The following GALNT13 variants were observed in gnomAD, a reference collection of about 807,000 sequenced individuals.
GALNT13 encodes UDP-GalNAc:polypeptide N-acetylgalactosaminyltransferase 13.
A neutral mutation model predicts 64.2 loss-of-function variants in GALNT13; 28 were observed. That is an observed-to-expected ratio of 0.44 (90% confidence interval 0.32 to 0.60). The LOEUF is 0.60. Ranked by LOEUF, GALNT13 falls within the 20% of genes least tolerant of loss-of-function variation. The probability of loss-of-function intolerance (pLI) is 0.05; values close to 1 mark genes in which losing one functional copy is unlikely to be tolerated. For missense variants in GALNT13, 577 were observed against 669.8 expected (o/e 0.86, Z 1.53); for synonymous variants, 214 against 224.6 (o/e 0.95, Z 0.42).
intron 11 of GALNT13, among the ~76,000 whole-genome samples, chr2:154,427,287 A>G (rs576119498): frequency 2.0e-4 from 31 of 152,362 alleles, no homozygotes; most frequent in African/African-American, 7.5e-4. Flanking sequence ...TCTAGAGCCC[A>G]TTGTTGCAGT....
chr2:153,123,298 A>C, the GALNT13 span, among the ~76,000 whole-genome samples: 102 of 151,974 alleles, frequency 6.7e-4, 1 homozygote, highest in East Asian at 0.02. Flanking sequence ...TTAACTTTAA[A>C]CTCCTAGCCT....
rs535935923 is a variant in GALNT13 at position 154,205,327 on chromosome 2, G to A, written c.312-36703G>A. On this transcript the variant is annotated intron_variant, in intron 4 of 12. Coordinates refer to ENST00000392825, the MANE Select transcript of GALNT13 (RefSeq NM_052917.4). ...TTATTTCTGTGTGTTTTCCACCTGT[G>A]TTCTCTAACTGTGGAACTAGTAGCC... 3.9e-5 allele frequency among the ~76,000 whole-genome samples: 6 copies of A among 152,174 alleles called. No homozygotes were observed. In the South Asian group the frequency reaches 1.2e-3, roughly 32 times the overall value.
At chr2:153,146,443 A>G in the GALNT13 span, among the ~76,000 whole-genome samples, 2 of 151,872 alleles carry the variant, frequency 1.3e-5, no homozygotes, top group Non-Finnish European at 2.9e-5. Context: ...AAGAGCCCCG[A>G]AAGTCATGGA....
In GALNT13 at chr2:153,983,263, G is replaced by A. The variant is rs141953817; in HGVS notation, c.142+38624G>A. Among the ~76,000 whole-genome samples, 452 of 151,900 alleles carry A rather than the reference G, an allele frequency of 3.0e-3. 4 individuals are homozygous for A. Among genetic ancestry groups the A allele is most frequent in the African/African-American group, 1.0e-2 (415 of 41,516 alleles). Reference sequence around the variant, plus strand: ...GATAGAATTTTCAAAGAAATCTGATGCAGGGTCTTATAGTAGCTTAGAAAA... The same window carrying A: ...GATAGAATTTTCAAAGAAATCTGATACAGGGTCTTATAGTAGCTTAGAAAA... On this transcript the variant is annotated intron_variant, in intron 3 of 12. Coordinates refer to ENST00000392825, the MANE Select transcript of GALNT13 (RefSeq NM_052917.4).
chr2:153,677,155 A>T, the GALNT13 span, among the ~76,000 whole-genome samples: 1 of 152,200 alleles, frequency 6.6e-6, no homozygotes, highest in South Asian at 2.1e-4. Context: ...AGGCCCCTAG[A>T]TGTGGTAAAC....
the GALNT13 span, among the ~76,000 whole-genome samples, chr2:153,822,076 A>G: frequency 6.6e-6 from 1 of 152,158 alleles, no homozygotes; most frequent in Non-Finnish European, 1.5e-5. Flanking sequence ...GCTCCAAAAT[A>G]GAATCAGTAA....
chr2:153,420,244 G>A, the GALNT13 span, among the ~76,000 whole-genome samples: 2 of 151,834 alleles, frequency 1.3e-5, no homozygotes, highest in Non-Finnish European at 2.9e-5. Flanking sequence ...TGGTTAAGAT[G>A]GTAATTTTAT....
At chr2:154,213,773 A>G (rs1687901930) in intron 4 of GALNT13, among the ~76,000 whole-genome samples, 1 of 152,188 alleles carries the variant, frequency 6.6e-6, no homozygotes. Flanking sequence ...TGCTTCAATA[A>G]CAGGATTGAT....
intron 3 of GALNT13, among the ~76,000 whole-genome samples, chr2:154,050,119 A>G (rs1022182391): frequency 6.6e-6 from 1 of 152,162 alleles, no homozygotes; most frequent in African/African-American, 2.4e-5. Flanking sequence ...TATATAGTCA[A>G]CATTGAAACT....
the GALNT13 span, among the ~76,000 whole-genome samples, chr2:153,648,077 A>C: frequency 6.6e-6 from 1 of 152,108 alleles, no homozygotes; most frequent in Non-Finnish European, 1.5e-5. Context: ...TTTTCACAAT[A>C]TTGATTCTTC....
At chr2:153,235,909 A>C in the GALNT13 span, among the ~76,000 whole-genome samples, 1 of 152,326 alleles carries the variant, frequency 6.6e-6, no homozygotes, top group Non-Finnish European at 1.5e-5. Flanking sequence ...AGATAGACTG[A>C]AAGCTAGGCC....
chr2:154,050,763 T>C (rs1236024244), intron 3 of GALNT13, among the ~76,000 whole-genome samples: 1 of 152,242 alleles, frequency 6.6e-6, no homozygotes, highest in Non-Finnish European at 1.5e-5. Flanking sequence ...AGTTTAATGC[T>C]GAATATTTTA....
At chr2:154,320,191 C>G (rs1694549614) in intron 9 of GALNT13, among the ~76,000 whole-genome samples, 1 of 152,068 alleles carries the variant, frequency 6.6e-6, no homozygotes, top group Non-Finnish European at 1.5e-5. Context: ...CATATTTATC[C>G]TTTAAAGTTA....
the GALNT13 span, among the ~76,000 whole-genome samples, chr2:153,608,627 TTC>T: frequency 6.7e-6 from 1 of 148,874 alleles, no homozygotes; most frequent in Non-Finnish European, 1.5e-5. Context: ...ATACATATAT[TTC>T]TCTCTTTCAT....
chr2:153,900,640 G>T (rs1243751796), intron 1 of GALNT13, among the ~76,000 whole-genome samples: 1 of 152,044 alleles, frequency 6.6e-6, no homozygotes, highest in African/African-American at 2.4e-5. Context: ...ATGCCATTCT[G>T]CCAATATTCT....
At chr2:154,436,450 G>C (rs1700978385) in intron 11 of GALNT13, 1 of 152,166 alleles carries the variant, frequency 6.6e-6, no homozygotes, top group African/African-American at 2.4e-5. Context: ...AGAAAATTAA[G>C]GCTGAAATGG....
the GALNT13 span, among the ~76,000 whole-genome samples, chr2:153,350,207 G>T: frequency 6.6e-6 from 1 of 152,060 alleles, no homozygotes; most frequent in Non-Finnish European, 1.5e-5. Context: ...AAAATAAATG[G>T]AAAGGATGAT....
chr2:153,171,763 C>G, the GALNT13 span, among the ~76,000 whole-genome samples: 63 of 152,214 alleles, frequency 4.1e-4, no homozygotes, highest in Admixed American at 4.1e-3. Context: ...CTAAAATGGC[C>G]TTATCTTGGG....
chr2:153,635,883 T>A, the GALNT13 span, among the ~76,000 whole-genome samples: 1 of 152,124 alleles, frequency 6.6e-6, no homozygotes. Context: ...CTTTTTGAAA[T>A]TTCAGATGCT....
Sources: gnomAD v4.1 joint callset for allele counts (sites outside exome capture counted in the v4.1 genomes callset) on GRCh38, gnomAD v4.1.1 for gene constraint, MANE v1.5 for transcripts, NCBI Gene and HGNC (gene_info 2026-07-23, HGNC 2026-07-21) for gene names.